The following PPOX variants were observed in gnomAD, a reference collection of about 807,000 sequenced individuals.
PPOX encodes the protein protoporphyrinogen oxidase.
Under a neutral mutation model 54.1 loss-of-function variants are expected in PPOX, and 23 were observed. The ratio of observed to expected loss-of-function variants is 0.43; its 90% CI spans 0.31 to 0.60. The LOEUF (loss-of-function observed/expected upper bound fraction) is 0.60. Ranked by LOEUF, PPOX falls within the 20% of genes least tolerant of loss-of-function variation. The probability of loss-of-function intolerance (pLI) is 0.13; values close to 1 mark genes in which losing one functional copy is unlikely to be tolerated. For synonymous variants in PPOX, 224 were observed against 236.1 expected (o/e 0.95, Z 0.47); for missense variants, 512 against 601.1 (o/e 0.85, Z 1.55).
chr1:161,173,828 C>A, downstream of PPOX: 1 of 1,610,186 alleles, frequency 6.2e-7, no homozygotes. Flanking sequence ...GTAGGCTTCC[C>A]TGTTTCCCAG....
downstream of PPOX, chr1:161,175,366 C>T (rs1571515160): frequency 9.4e-6 from 7 of 745,674 alleles, no homozygotes; most frequent in East Asian, 1.9e-4. Context: ...ATCTCGCATG[C>T]CTTGGATTAC....
downstream of PPOX, chr1:161,177,169 C>T (rs558358375): frequency 1.6e-5 from 19 of 1,214,214 alleles, no homozygotes; most frequent in Admixed American, 3.7e-4. Flanking sequence ...GAAGGGCTCA[C>T]CTAGAGGGGC....
Position 161,167,486 on chromosome 1 carries a change from G to A in PPOX, c.338G>A (p.Arg113Lys). The A allele has an allele frequency of 6.2e-7, 1 of 1,610,996 alleles. No individual in the cohort carries two copies. The highest frequency in any genetic ancestry group is 8.5e-7 in the Non-Finnish European group (1 of 1,179,478). ...GALHALPTGL[R>K]GLLRPSPPFS... is the part of the protein sequence containing the mutation. ...CTGCATGCCCTACCCACTGGCCTCA[G>A]GTAACACCAGCACCTCCGCTCCTTT... Residue 113 changes from arginine (R) to lysine (K), a missense_variant and splice_region_variant, in exon 4 of 13, where the codon AGG (arginine) becomes AAG (lysine). Arg to Lys is a conservative substitution (Grantham distance 26, BLOSUM62 2). Coordinates refer to ENST00000367999, the MANE Select transcript of PPOX (RefSeq NM_001122764.3).
chr1:161,177,032 A>G, exon 5 of PPOX: 1 of 1,514,720 alleles, frequency 6.6e-7, no homozygotes, highest in Non-Finnish European at 8.8e-7. Flanking sequence ...CTCGGCGGAG[A>G]GTAGGGTGGG....
chr1:161,172,098 TAGAGGTTGGAGACTAAG>T (rs765233285), downstream of PPOX: 411 of 1,613,876 alleles, frequency 2.5e-4, no homozygotes, highest in Non-Finnish European at 2.9e-4. Flanking sequence ...ATCTGAGGGT[TAGAGGTTGGAGACTAAG>T]ACCCAGAAAG....
chr1:161,170,320 G>GGGGGGGGCCCCCCCCCC, intron 9 of PPOX, 89 bp from the exon 10 acceptor site: 2 of 494,786 alleles, frequency 4.0e-6, no homozygotes, highest in East Asian at 5.4e-5. Flanking sequence ...GTGAGACTCT[G>GGGGGGGGCCCCCCCCCC]TCCCCCCCAC....
At chr1:161,169,848 G>A in intron 8 of PPOX, 58 bp from the exon 9 acceptor site, 1 of 1,614,128 alleles carries the variant, frequency 6.2e-7, no homozygotes, top group South Asian at 1.1e-5. Flanking sequence ...TAATCCCAAA[G>A]AGGACTGACA....
At chr1:161,176,483 G>A (rs1663562444) in intron 4 of PPOX, 2 of 370,276 alleles carry the variant, frequency 5.4e-6, no homozygotes, top group Admixed American at 4.3e-5. Flanking sequence ...AGGGGGTCCC[G>A]GGGGGACAGA....
Position 161,166,503 on chromosome 1 carries a change from T to TGGCAAGCAGAGCACCTCAGAACTCAGGC in PPOX, c.-176_-149dup. ...AAGCACTTGTTGGCCTACAGAGGTG[T>TGGCAAGCAGAGCACCTCAGAACTCAGGC]GGCAAGCAGAGCACCTCAGAACTCA... On this transcript the variant is annotated 5_prime_UTR_variant, in exon 1 of 13. Transcript: ENST00000367999. 7.6e-7 allele frequency: 1 copy of TGGCAAGCAGAGCACCTCAGAACTCAGGC among 1,312,080 alleles called. No individual in the cohort carries two copies. Among genetic ancestry groups the TGGCAAGCAGAGCACCTCAGAACTCAGGC allele is most frequent in the South Asian group, 1.6e-5 (1 of 62,970 alleles). The allele number at this position is 1,312,080 out of a possible 1,614,324, so 81.3% of individuals were successfully genotyped here.
intron 5 of PPOX, 79 bp downstream of exon 5, chr1:161,168,206 G>A: frequency 3.7e-6 from 6 of 1,607,306 alleles, no homozygotes; most frequent in African/African-American, 1.3e-5. Context: ...TACCACCTAG[G>A]GGCTCTTCTG....
At chr1:161,174,605 A>G (rs546217544), downstream of PPOX, among the ~76,000 whole-genome samples, 8 of 152,238 alleles carry the variant, frequency 5.3e-5, no homozygotes, top group Admixed American at 1.3e-4. Context: ...GGCAACCAAC[A>G]ATGGTGTGGT....
At position 161,167,426 on chromosome 1, in the gene PPOX, C is replaced by T; in HGVS notation, c.278C>T (p.Ala93Val). The change falls in exon 4 of 13, where the codon GCT becomes GTT. Residue 93 changes from alanine to valine, a missense_variant. By Grantham distance (64) the Ala-to-Val change is moderately conservative. Coordinates refer to ENST00000367999, the MANE Select transcript of PPOX (RefSeq NM_001122764.3). Reference sequence around the variant, plus strand: ...CTGCCTGTCCGGGGAGACCACCCAGCTGCCCAGAACAGGTTCCTCTACGTG... The same window carrying T: ...CTGCCTGTCCGGGGAGACCACCCAGTTGCCCAGAACAGGTTCCTCTACGTG... ...EVLPVRGDHP[A>V]AQNRFLYVGG... is the part of the protein sequence containing the mutation. The T allele has an allele frequency of 6.2e-7, 1 of 1,613,754 alleles. No individual in the cohort carries two copies. Among genetic ancestry groups the T allele is most frequent in the South Asian group, 1.1e-5 (1 of 91,062 alleles).
chr1:161,175,074 G>A (rs764160489), downstream of PPOX: 4 of 1,613,962 alleles, frequency 2.5e-6, no homozygotes, highest in Non-Finnish European at 3.4e-6. Context: ...GGCGCAGGTG[G>A]TGCTCCCGGG....
Position 161,167,356 on chromosome 1 carries a change from G to GAAACTC in PPOX, c.223-15_223-14insAAACTC. ...TCCCTTAGTTTCTCCTCTTCTGAGGGCATGTGGAGAGCAGGTTTCTGAGCT... is the reference window on the plus strand; with the variant it reads ...TCCCTTAGTTTCTCCTCTTCTGAGGGAAACTCCATGTGGAGAGCAGGTTTCTGAGCT... On this transcript the variant is annotated splice_polypyrimidine_tract_variant and intron_variant, in intron 3 of 12. Transcript: ENST00000367999. The GAAACTC allele has an allele frequency of 1.2e-6, 2 of 1,614,006 alleles. No homozygotes were observed. Among genetic ancestry groups the GAAACTC allele is most frequent in the Non-Finnish European group, 1.7e-6 (2 of 1,180,010 alleles).
downstream of PPOX, chr1:161,176,065 G>C (rs771958132): frequency 1.2e-6 from 2 of 1,613,934 alleles, no homozygotes. Flanking sequence ...CAACATCCTG[G>C]GGGTGAGATC....
chr1:161,171,581 T>C, downstream of PPOX: 1 of 622,312 alleles, frequency 1.6e-6, no homozygotes, highest in Non-Finnish European at 2.8e-6. Context: ...TCACATAAAA[T>C]CATGACATCA....
rs1470679908 is a variant in PPOX, at chr1:161,176,244, CACCAGTAACCCT to C, written c.373-600_373-589del. On this transcript the variant is annotated intron_variant, in intron 4 of 4. Transcript: ENST00000497522. ...GTCACGCAAGGAAACAGAATGTAAC[CACCAGTAACCCT>C]ACCACCTGTCACTTCAGCCCAAGTT... is the stretch of plus-strand genomic sequence containing the variant. 8.2e-6 allele frequency: 6 copies of C among 734,110 alleles called. No individual in the cohort carries two copies. In the African/African-American group the frequency reaches 1.1e-4, roughly 13 times the overall value. 45.5% of individuals were successfully genotyped at this position (734,110 alleles called of 1,614,324 possible). A position where few individuals can be genotyped will look rare whatever the true frequency, so the allele number is the denominator to read the frequency against.
downstream of PPOX, chr1:161,172,373 G>A: frequency 1.3e-6 from 2 of 1,541,452 alleles, no homozygotes; most frequent in South Asian, 1.2e-5. Flanking sequence ...CCAGAGTAGA[G>A]AAAAGCAAGG....
intron 2 of PPOX, 55 bp downstream of exon 2, chr1:161,166,989 A>G: frequency 1.9e-6 from 3 of 1,611,382 alleles, no homozygotes; most frequent in Non-Finnish European, 2.5e-6. Context: ...TCCCATTTCC[A>G]TCAAAAGCTA....
Sources: allele counts gnomAD v4.1 joint callset (sites outside exome capture counted in the v4.1 genomes callset), GRCh38; gene constraint gnomAD v4.1.1; transcripts MANE v1.5; gene names NCBI Gene and HGNC (gene_info 2026-07-23, HGNC 2026-07-21).